RNF150: variants seen among roughly 807,000 people sequenced by gnomAD.
The protein encoded by RNF150 is ring finger protein 150.
In RNF150, 24 loss-of-function variants were observed where a neutral mutation model predicts 39.3. That is an observed-to-expected ratio of 0.61 (90% CI 0.44 to 0.86). RNF150 has a LOEUF of 0.86. RNF150 is among the 40% of genes least tolerant of loss of function. RNF150 has a pLI of 0.00. For synonymous variants in RNF150, 255 were observed against 227.3 expected, an observed-to-expected ratio of 1.12 and a Z score of -1.10; for missense variants, 502 against 587.8, an observed-to-expected ratio of 0.85 and a Z score of 1.51.
intron 4 of RNF150, among the ~76,000 whole-genome samples, chr4:140,936,793 T>A (rs1280675669): frequency 6.6e-6 from 1 of 152,166 alleles, no homozygotes; most frequent in Non-Finnish European, 1.5e-5. Flanking sequence ...TTAGGAAACA[T>A]CTTACAATCA....
At chr4:141,027,275 C>G (rs575749664) in intron 1 of RNF150, among the ~76,000 whole-genome samples, 6 of 151,992 alleles carry the variant, frequency 3.9e-5, no homozygotes, top group African/African-American at 1.5e-4. Context: ...TCATAAGTCA[C>G]GATACATGAC....
At position 140,967,685 on chromosome 4, in the gene RNF150, C is replaced by G. The variant is rs558259951; in HGVS notation, c.673G>C (p.Ala225Pro). Residue 225 changes from alanine to proline, a missense_variant, in exon 2 of 7, where the codon GCA (alanine) becomes CCA (proline). Physicochemically the swap from Ala to Pro is conservative, Grantham distance 27. Transcript: ENST00000515673. The part of the protein sequence containing the change: ...SFIVLMIISL[A>P]WLVFYYIQRF... ...TGGATGTAATAAAAGACGAGCCATGCGAGGGAAATGATCATCAGGACAATG... is the reference window on the plus strand; with the variant it reads ...TGGATGTAATAAAAGACGAGCCATGGGAGGGAAATGATCATCAGGACAATG... 2 of 1,613,266 alleles carry G rather than the reference C, an allele frequency of 1.2e-6. No homozygotes were observed. Among genetic ancestry groups the G allele is most frequent in the South Asian group, 2.2e-5 (2 of 91,048 alleles).
chr4:140,897,931 C>CT (rs1730023068), intron 6 of RNF150, among the ~76,000 whole-genome samples: 1 of 152,116 alleles, frequency 6.6e-6, no homozygotes, highest in South Asian at 2.1e-4. Flanking sequence ...GGGCCTTGAC[C>CT]TAGCTTTACT....
chr4:141,210,623 T>C (rs552347448), intron 1 of RNF150, among the ~76,000 whole-genome samples: 11 of 152,136 alleles, frequency 7.2e-5, no homozygotes, highest in African/African-American at 1.7e-4. Flanking sequence ...TTTAAAAACA[T>C]TGTTTTTCAT....
At chr4:141,022,213 T>A (rs1735521938) in intron 1 of RNF150, among the ~76,000 whole-genome samples, 1 of 151,826 alleles carries the variant, frequency 6.6e-6, no homozygotes, top group African/African-American at 2.4e-5. Flanking sequence ...CACTGGGTTT[T>A]TTTTATTTTT....
In RNF150 at chr4:141,019,033, AATATATAT is replaced by A. The variant is rs10527652; in HGVS notation, c.485-51168_485-51161del. Among the ~76,000 whole-genome samples, 578 of 126,296 alleles carry A rather than the reference AATATATAT, an allele frequency of 4.6e-3. 8 individuals carry two copies. Among genetic ancestry groups the A allele is most frequent in the African/African-American group, 0.014 (465 of 32,296 alleles). 82.9% of individuals were successfully genotyped at this position (126,296 alleles called of 152,430 possible). ...TTTGAAGGCAATCTTACTGCAAAGA[AATATATAT>A]ATATATATATATATATATATATATA... On this transcript the variant is annotated intron_variant, in intron 1 of 6. Coordinates refer to ENST00000515673, the MANE Select transcript of RNF150 (RefSeq NM_020724.2).
chr4:140,943,920 G>C (rs1466702705), intron 4 of RNF150, among the ~76,000 whole-genome samples: 1 of 152,160 alleles, frequency 6.6e-6, no homozygotes, highest in East Asian at 1.9e-4. Flanking sequence ...GGATAAATTA[G>C]AGATAGGAGG....
chr4:141,048,931 T>C (rs1321597796), intron 1 of RNF150, among the ~76,000 whole-genome samples: 3 of 152,200 alleles, frequency 2.0e-5, no homozygotes, highest in Non-Finnish European at 4.4e-5. Flanking sequence ...TCCTTTGTGA[T>C]AAAATCTGAC....
intron 2 of RNF150, among the ~76,000 whole-genome samples, chr4:140,952,365 T>C (rs1328388721): frequency 6.6e-6 from 1 of 152,198 alleles, no homozygotes; most frequent in Non-Finnish European, 1.5e-5. Flanking sequence ...TTTTCAAAAT[T>C]CAATTTCTTT....
chr4:141,177,054 GAAAAAAA>G (rs5862514), intron 1 of RNF150, among the ~76,000 whole-genome samples: 1 of 111,692 alleles, frequency 9.0e-6, no homozygotes, highest in African/African-American at 3.3e-5. Flanking sequence ...TGTCTCCTAG[GAAAAAAA>G]AAAAAAAAAA....
chr4:141,111,115 T>G (rs1739372093), intron 1 of RNF150, among the ~76,000 whole-genome samples: 2 of 152,104 alleles, frequency 1.3e-5, no homozygotes, highest in Non-Finnish European at 2.9e-5. Context: ...CAACAATGAA[T>G]TATCAGGACA....
chr4:140,873,813 C>T (rs1459804576), intron 6 of RNF150, among the ~76,000 whole-genome samples: 2 of 152,136 alleles, frequency 1.3e-5, no homozygotes, highest in East Asian at 3.9e-4. Flanking sequence ...GTAGCTGGGA[C>T]CACATACGTG....
At chr4:141,129,883 C>T (rs1367775233) in intron 1 of RNF150, among the ~76,000 whole-genome samples, 2 of 152,190 alleles carry the variant, frequency 1.3e-5, no homozygotes, top group Non-Finnish European at 2.9e-5. Context: ...CAGACCTTCT[C>T]ACCTGAAATC....
chr4:141,199,592 C>T (rs1156498512), intron 1 of RNF150, among the ~76,000 whole-genome samples: 1 of 152,090 alleles, frequency 6.6e-6, no homozygotes, highest in Non-Finnish European at 1.5e-5. Flanking sequence ...AGAAGTCAGA[C>T]CCCCAAATCT....
chr4:140,884,579 C>G (rs950252199), intron 6 of RNF150, among the ~76,000 whole-genome samples: 2 of 152,178 alleles, frequency 1.3e-5, no homozygotes, highest in Non-Finnish European at 2.9e-5. Flanking sequence ...TCCCCAGTGT[C>G]TGCATCACTG....
chr4:141,047,233 C>A (rs1186857833), intron 1 of RNF150, among the ~76,000 whole-genome samples: 2 of 152,110 alleles, frequency 1.3e-5, no homozygotes, highest in Non-Finnish European at 2.9e-5. Context: ...GCTTTACTTG[C>A]TAGTTTTTTA....
chr4:140,945,344 G>A lies in RNF150; in HGVS notation c.890+2310C>T, dbSNP rs183002417. Among the ~76,000 whole-genome samples, 234 of 151,814 alleles carry A rather than the reference G, an allele frequency of 1.5e-3. 2 individuals carry two copies. Among genetic ancestry groups the A allele is most frequent in the African/African-American group, 5.3e-3 (220 of 41,418 alleles). ...AAATTACAATATAAAAGGAGATCTG[G>A]AATAACACATCATGAAAGTCTAAAC... On this transcript the variant is annotated intron_variant, in intron 4 of 6. Transcript: ENST00000515673.
At position 140,911,148 on chromosome 4, in the gene RNF150, AG is replaced by A; in HGVS notation, c.1193del (p.Thr398IlefsTer9). 6.2e-7 allele frequency: 1 copy of A among 1,612,262 alleles called. No individual in the cohort carries two copies. Among genetic ancestry groups the A allele is most frequent in the Non-Finnish European group, 8.5e-7 (1 of 1,178,286 alleles). On this transcript the variant is annotated frameshift_variant, in exon 6 of 7. Transcript: ENST00000515673. LOFTEE classifies it high-confidence loss of function. ...TTTAAGTATGGCAGAACTCACTGTT[AG>A]TAGTAAAGATGACGTCTCCCTCCTG... The part of the protein sequence containing the change: ...IPQEGDVIFT[T>X]NSEQEPAVSS...
At chr4:141,205,645 C>T (rs1174325181) in intron 1 of RNF150, among the ~76,000 whole-genome samples, 1 of 152,104 alleles carries the variant, frequency 6.6e-6, no homozygotes, top group Non-Finnish European at 1.5e-5. Context: ...AGGGAATACA[C>T]TTTATCCCAA....
Sources: allele counts gnomAD v4.1 joint callset (sites outside exome capture counted in the v4.1 genomes callset), GRCh38; gene constraint gnomAD v4.1.1; transcripts MANE v1.5; gene names NCBI Gene and HGNC (gene_info 2026-07-23, HGNC 2026-07-21).